The following HIVEP3 variants were observed in gnomAD, a reference collection of about 807,000 sequenced individuals.
HIVEP3 encodes the protein transcription factor HIVEP3.
A neutral mutation model predicts 152.8 loss-of-function variants in HIVEP3; 49 were observed. That is an observed-to-expected ratio of 0.32 (90% CI 0.26 to 0.41). The LOEUF (loss-of-function observed/expected upper bound fraction) is 0.41, where lower values mean the gene tolerates loss of function less well. Among genes scored for constraint, HIVEP3 ranks in the 10% least tolerant of loss-of-function variants. The pLI, the probability that HIVEP3 is intolerant of heterozygous loss-of-function variation, is 1.00. For missense variants in HIVEP3, 2,790 were observed against 3,103.3 expected, an observed-to-expected ratio of 0.90 and a Z score of 2.40; for synonymous variants, 1,269 against 1,289.0, an observed-to-expected ratio of 0.98 and a Z score of 0.33.
Position 41,855,094 on chromosome 1 carries a change from C to T in HIVEP3, c.-801+63319G>A, listed in dbSNP as rs1220589206. Among the ~76,000 whole-genome samples the T allele has an allele frequency of 4.4e-5, 6 of 137,342 alleles. No homozygotes were observed. The East Asian group carries it at 1.0e-3, about 23-fold the overall frequency. 90.1% of individuals were successfully genotyped at this position (137,342 alleles called of 152,430 possible). A position where few individuals can be genotyped will look rare whatever the true frequency, so the allele number is the denominator to read the frequency against. Reference sequence around the variant, plus strand: ...TTCTAGTTCTAGATCCCTGAGGAATCGCCACACTGACTTCCACAATGGTTG... The same window carrying T: ...TTCTAGTTCTAGATCCCTGAGGAATTGCCACACTGACTTCCACAATGGTTG... On this transcript the variant is annotated intron_variant, in intron 1 of 8. Transcript: ENST00000372583.
intron 1 of HIVEP3, among the ~76,000 whole-genome samples, chr1:41,762,197 C>T (rs147947865): frequency 1.9e-3 from 282 of 152,310 alleles, no homozygotes; most frequent in African/African-American, 6.6e-3. Flanking sequence ...GACCACCCAA[C>T]TTCAGATGGG....
In HIVEP3 at chr1:41,612,573, G is replaced by A. The variant is rs139548176; in HGVS notation, c.-522+16176C>T. On this transcript the variant is annotated intron_variant, in intron 3 of 8. Transcript: ENST00000372583. ...AGGTTCAGAGAGGTGGAAAGTGGCT[G>A]GGCTGGATCCACAGCTCAGGACTCT... Among the ~76,000 whole-genome samples, 227 of 152,316 alleles carry A rather than the reference G, an allele frequency of 1.5e-3. 2 individuals carry two copies. The highest frequency in any genetic ancestry group is 5.3e-3 in the African/African-American group (221 of 41,568).
intron 1 of HIVEP3, among the ~76,000 whole-genome samples, chr1:41,773,378 G>A (rs986159350): frequency 3.9e-5 from 6 of 152,194 alleles, no homozygotes; most frequent in Non-Finnish European, 7.3e-5. Context: ...CACAGGGATG[G>A]CGTTCAGTAG....
intron 1 of HIVEP3, among the ~76,000 whole-genome samples, chr1:41,974,612 T>C (rs1420257818): frequency 3.3e-5 from 5 of 151,960 alleles, no homozygotes; most frequent in Admixed American, 3.3e-4. Flanking sequence ...TGTGCTGTGC[T>C]CTCTGCTTGG....
intron 1 of HIVEP3, among the ~76,000 whole-genome samples, chr1:42,030,155 C>T (rs948352174): frequency 2.0e-5 from 3 of 152,204 alleles, no homozygotes; most frequent in Non-Finnish European, 4.4e-5. Flanking sequence ...ACACAGCACA[C>T]CCTAGAGCAA....
At chr1:41,675,349 G>A (rs1645938632) in intron 2 of HIVEP3, among the ~76,000 whole-genome samples, 2 of 152,012 alleles carry the variant, frequency 1.3e-5, no homozygotes, top group South Asian at 4.2e-4. Flanking sequence ...CACTCTGCTC[G>A]TACATCCCTT....
intron 1 of HIVEP3, among the ~76,000 whole-genome samples, chr1:41,759,551 T>C (rs552319934): frequency 6.6e-6 from 1 of 152,324 alleles, no homozygotes; most frequent in Admixed American, 6.5e-5. Flanking sequence ...CTTTGGGGTA[T>C]AGACCTAGGA....
At chr1:41,665,707 T>TACACACACACACACACACAC (rs10530354) in intron 2 of HIVEP3, among the ~76,000 whole-genome samples, 14,714 of 127,704 alleles carry the variant, frequency 0.12, 1,187 homozygotes, top group East Asian at 0.16. Context: ...GGAAATGTTA[T>TACACACACACACACACACAC]ACACACACAC....
At chr1:41,715,385 G>C (rs1285607943) in intron 1 of HIVEP3, among the ~76,000 whole-genome samples, 1 of 152,170 alleles carries the variant, frequency 6.6e-6, no homozygotes, top group Non-Finnish European at 1.5e-5. Flanking sequence ...TCCAGCCTGA[G>C]TCTTCAGCCT....
Position 41,580,433 on chromosome 1 carries a change from A to G in HIVEP3, c.4365T>C (p.Ala1455=). ...QQQKRVKEEE[A]SKADEKLELV... ...GCTCAAGTTTTTCATCTGCCTTGGA[A>G]GCCTCCTCCTCCTTCACTCTTTTTT... is the stretch of plus-strand genomic sequence containing the variant. The change falls in exon 4 of 9, where the codon GCT becomes GCC. Residue 1455 remains alanine, a synonymous_variant. Coordinates refer to ENST00000372583, the MANE Select transcript of HIVEP3 (RefSeq NM_024503.5). The G allele has an allele frequency of 6.2e-7, 1 of 1,614,046 alleles. No individual in the cohort carries two copies. Among genetic ancestry groups the G allele is most frequent in the East Asian group, 2.2e-5 (1 of 44,870 alleles).
At chr1:41,612,035 T>C (rs1468937516) in intron 3 of HIVEP3, among the ~76,000 whole-genome samples, 1 of 152,042 alleles carries the variant, frequency 6.6e-6, no homozygotes, top group Non-Finnish European at 1.5e-5. Context: ...AGTCTGGCTA[T>C]TCCACCCTGT....
At chr1:41,562,525 T>TTCCTCTCTTTCTCCTTCC (rs1644082172) in intron 5 of HIVEP3, among the ~76,000 whole-genome samples, 2 of 132,304 alleles carry the variant, frequency 1.5e-5, no homozygotes, top group Non-Finnish European at 3.3e-5. Context: ...CCTTCCTCCC[T>TTCCTCTCTTTCTCCTTCC]TCCCTTCCCT....
At chr1:41,877,528 T>C (rs1443708896) in intron 1 of HIVEP3, among the ~76,000 whole-genome samples, 2 of 152,240 alleles carry the variant, frequency 1.3e-5, no homozygotes, top group Non-Finnish European at 2.9e-5. Flanking sequence ...TCACTCCTGT[T>C]GGATTTCGTG....
chr1:42,012,420 G>A (rs1228183433), intron 1 of HIVEP3, among the ~76,000 whole-genome samples: 2 of 92,290 alleles, frequency 2.2e-5, no homozygotes, highest in African/African-American at 7.0e-5. Context: ...TGATGGGGCT[G>A]GAGCCCTTAT....
At chr1:41,820,037 A>C (rs1461253903) in intron 1 of HIVEP3, among the ~76,000 whole-genome samples, 1 of 152,096 alleles carries the variant, frequency 6.6e-6, no homozygotes, top group Non-Finnish European at 1.5e-5. Context: ...ATTTCAATAA[A>C]ACTTTATTGA....
intron 3 of HIVEP3, among the ~76,000 whole-genome samples, chr1:41,627,866 C>T (rs1230951688): frequency 6.6e-6 from 1 of 151,968 alleles, no homozygotes; most frequent in Non-Finnish European, 1.5e-5. Flanking sequence ...CCAGAGAACT[C>T]CCTCCCTCCG....
intron 3 of HIVEP3, among the ~76,000 whole-genome samples, chr1:41,619,356 C>T (rs569777231): frequency 5.9e-5 from 9 of 152,342 alleles, no homozygotes; most frequent in African/African-American, 2.2e-4. Flanking sequence ...TTGTCACATA[C>T]TATGTATGTT....
At chr1:41,756,213 G>T in intron 1 of HIVEP3, among the ~76,000 whole-genome samples, 1 of 152,202 alleles carries the variant, frequency 6.6e-6, no homozygotes, top group South Asian at 2.1e-4. Context: ...ATCTCAAAAG[G>T]TCATCTAATG....
intron 2 of HIVEP3, among the ~76,000 whole-genome samples, chr1:41,670,766 C>A (rs1645863028): frequency 6.6e-6 from 1 of 152,140 alleles, no homozygotes; most frequent in South Asian, 2.1e-4. Context: ...AAGAATTAAG[C>A]CACGCAGTTA....
Sources: allele counts gnomAD v4.1 joint callset (sites outside exome capture counted in the v4.1 genomes callset), GRCh38; gene constraint gnomAD v4.1.1; transcripts MANE v1.5; gene names NCBI Gene and HGNC (gene_info 2026-07-23, HGNC 2026-07-21).